ARHGAP24: variants seen among roughly 807,000 people sequenced by gnomAD.
ARHGAP24 encodes Rho GTPase activating protein 24.
In ARHGAP24, 50 loss-of-function variants were observed where a neutral mutation model predicts 76.4. That is an observed-to-expected ratio of 0.65 (90% confidence interval 0.52 to 0.83). The LOEUF (loss-of-function observed/expected upper bound fraction) is 0.83. Ranked by LOEUF, ARHGAP24 falls within the 40% of genes least tolerant of loss-of-function variation. The pLI, the probability that ARHGAP24 is intolerant of heterozygous loss-of-function variation, is 0.00. For synonymous variants in ARHGAP24, 345 were observed against 323.3 expected (o/e 1.07, Z -0.72); for missense variants, 930 against 914.2 (o/e 1.02, Z -0.22).
chr4:85,643,979 A>G (rs1337931848), intron 2 of ARHGAP24, among the ~76,000 whole-genome samples: 1 of 152,172 alleles, frequency 6.6e-6, no homozygotes, highest in Non-Finnish European at 1.5e-5. Flanking sequence ...GTGAAAGATG[A>G]TGCCTTTGAC....
rs573859538 is a variant in ARHGAP24 at position 85,496,424 on chromosome 4, G to T, written c.-21+20865G>T. On this transcript the variant is annotated intron_variant, in intron 1 of 9. Coordinates refer to ENST00000395184, the MANE Select transcript of ARHGAP24 (RefSeq NM_001025616.3). Reference sequence around the variant, plus strand: ...ATATGTGCACAGGAATCCTTGCTATGGTGGGAATGTTTGTTTGTTTACTTT... The same window carrying T: ...ATATGTGCACAGGAATCCTTGCTATTGTGGGAATGTTTGTTTGTTTACTTT... Among the ~76,000 whole-genome samples the T allele has an allele frequency of 3.9e-5, 6 of 152,354 alleles. 1 individual carries two copies. The South Asian group carries it at 1.2e-3, about 32-fold the overall frequency.
intron 3 of ARHGAP24, among the ~76,000 whole-genome samples, chr4:85,853,640 A>C (rs345332): frequency 0.36 from 54,655 of 151,996 alleles, 10,692 homozygotes; most frequent in Non-Finnish European, 0.45. Flanking sequence ...TTAAAAGAAA[A>C]ACCTGGCCGA....
intron 3 of ARHGAP24, among the ~76,000 whole-genome samples, chr4:85,746,867 A>T (rs536807094): frequency 6.6e-6 from 1 of 151,900 alleles, no homozygotes; most frequent in African/African-American, 2.4e-5. Context: ...GTTGGGCAGG[A>T]TGGTCTCGAT....
At chr4:85,583,681 G>A (rs546501384) in intron 2 of ARHGAP24, among the ~76,000 whole-genome samples, 45 of 150,020 alleles carry the variant, frequency 3.0e-4, no homozygotes, top group Admixed American at 4.7e-4. Context: ...GAAAATTTTC[G>A]CAACCTACTC....
At chr4:85,576,895 C>G (rs915778793) in intron 2 of ARHGAP24, among the ~76,000 whole-genome samples, 1 of 151,878 alleles carries the variant, frequency 6.6e-6, no homozygotes, top group Non-Finnish European at 1.5e-5. Context: ...AATTCGGATA[C>G]ATTGGGCAAA....
intron 3 of ARHGAP24, among the ~76,000 whole-genome samples, chr4:85,780,220 C>A (rs1727483163): frequency 6.6e-6 from 1 of 151,858 alleles, no homozygotes; most frequent in African/African-American, 2.4e-5. Flanking sequence ...GTCGCCCAGG[C>A]TGGAGTGCAA....
At chr4:85,993,623 T>C (rs952908902) in intron 8 of ARHGAP24, among the ~76,000 whole-genome samples, 3 of 152,188 alleles carry the variant, frequency 2.0e-5, no homozygotes, top group African/African-American at 7.2e-5. Context: ...AATTATGCAT[T>C]GTCAAAAGCC....
At chr4:85,630,015 T>C (rs1721106896) in intron 2 of ARHGAP24, among the ~76,000 whole-genome samples, 1 of 152,088 alleles carries the variant, frequency 6.6e-6, no homozygotes. Context: ...CTCATAGGCT[T>C]TCTTCTCTCT....
At chr4:85,894,089 T>TC (rs1733995993) in intron 3 of ARHGAP24, among the ~76,000 whole-genome samples, 1 of 63,982 alleles carries the variant, frequency 1.6e-5, no homozygotes, top group African/African-American at 6.1e-5. Context: ...CCCTAAAACT[T>TC]AGAGTATAAT....
intron 5 of ARHGAP24, among the ~76,000 whole-genome samples, chr4:85,970,538 A>T (rs370902516): frequency 1.5e-4 from 23 of 152,218 alleles, no homozygotes; most frequent in African/African-American, 5.1e-4. Context: ...TTAGGAGTAG[A>T]TGTGCAGTAA....
At chr4:85,502,205 G>A (rs1192332595) in intron 1 of ARHGAP24, among the ~76,000 whole-genome samples, 1 of 152,114 alleles carries the variant, frequency 6.6e-6, no homozygotes, top group African/African-American at 2.4e-5. Context: ...TGGCAATGTG[G>A]GCTCTTTTTT....
chr4:85,906,072 C>G (rs558639391), intron 3 of ARHGAP24, among the ~76,000 whole-genome samples: 1 of 152,174 alleles, frequency 6.6e-6, no homozygotes, highest in African/African-American at 2.4e-5. Flanking sequence ...AATGCAGAAG[C>G]CTTATAATAA....
chr4:85,736,483 G>C (rs1385130731), intron 3 of ARHGAP24, among the ~76,000 whole-genome samples: 2 of 152,166 alleles, frequency 1.3e-5, no homozygotes, highest in Non-Finnish European at 2.9e-5. Context: ...CAGTAATTCT[G>C]TGATTCAATT....
intron 1 of ARHGAP24, among the ~76,000 whole-genome samples, chr4:85,566,965 T>C (rs1259561145): frequency 6.6e-6 from 1 of 152,102 alleles, no homozygotes; most frequent in Non-Finnish European, 1.5e-5. Context: ...ATAAAGGAGC[T>C]TGGCTGTTTC....
chr4:85,606,723 G>A (rs1218333558), intron 2 of ARHGAP24, among the ~76,000 whole-genome samples: 1 of 152,104 alleles, frequency 6.6e-6, no homozygotes, highest in African/African-American at 2.4e-5. Flanking sequence ...AAGCCCCAGG[G>A]ATAGACCAGT....
chr4:85,940,213 G>C (rs573573023), intron 4 of ARHGAP24, among the ~76,000 whole-genome samples: 1 of 152,016 alleles, frequency 6.6e-6, no homozygotes, highest in Non-Finnish European at 1.5e-5. Flanking sequence ...ACACACATCA[G>C]CTTGTTTTTC....
intron 3 of ARHGAP24, among the ~76,000 whole-genome samples, chr4:85,736,196 A>C (rs1227112083): frequency 6.6e-6 from 1 of 152,060 alleles, no homozygotes; most frequent in East Asian, 1.9e-4. Context: ...GTCTTAAACC[A>C]CTTTGAAGGC....
At chr4:85,746,844 G>A (rs566385195) in intron 3 of ARHGAP24, among the ~76,000 whole-genome samples, 5 of 151,928 alleles carry the variant, frequency 3.3e-5, no homozygotes, top group African/African-American at 7.2e-5. Context: ...TAGTAGAGAC[G>A]GGGTTTCACT....
intron 3 of ARHGAP24, among the ~76,000 whole-genome samples, chr4:85,865,923 G>T (rs1333044694): frequency 6.6e-6 from 1 of 151,812 alleles, no homozygotes; most frequent in Non-Finnish European, 1.5e-5. Context: ...CAAGACAAAA[G>T]AAAAACCAAA....
Sources: allele counts gnomAD v4.1 joint callset (sites outside exome capture counted in the v4.1 genomes callset), GRCh38; gene constraint gnomAD v4.1.1; transcripts MANE v1.5; gene names NCBI Gene and HGNC (gene_info 2026-07-23, HGNC 2026-07-21).